HEPH: variants seen among roughly 807,000 people sequenced by gnomAD.
HEPH encodes hephaestin.
In HEPH, 69 loss-of-function variants were observed where a neutral mutation model predicts 80.8. That is an observed-to-expected ratio of 0.85 (90% CI 0.70 to 1.04). HEPH has a LOEUF of 1.04. Among genes scored for constraint, HEPH ranks in the 50% least tolerant of loss-of-function variants. The pLI, the probability that HEPH is intolerant of heterozygous loss-of-function variation, is 0.00. For synonymous variants in HEPH, 431 were observed against 322.8 expected (o/e 1.34, Z -3.60); for missense variants, 1,115 against 891.3 (o/e 1.25, Z -3.20).
intron 15 of HEPH, among the ~76,000 whole-genome samples, chrX:66,244,537 T>A (rs1178490752): frequency 8.9e-6 from 1 of 111,778 alleles, no homozygotes; most frequent in Non-Finnish European, 1.9e-5. Context: ...AATGCCTATT[T>A]TCTTTTATCT....
chrX:66,208,353 T>A, intron 15 of HEPH, 107 bp downstream of exon 15: 1 of 799,839 alleles, frequency 1.3e-6, no homozygotes, highest in Non-Finnish European at 1.8e-6. Flanking sequence ...GAGTGATAGC[T>A]CATTCCTGTA....
rs1373539723 is a variant in HEPH at position 66,197,759 on chromosome X, TC to T, written c.1581del (p.Thr528LeufsTer19). 8.3e-7 allele frequency: 1 copy of T among 1,211,550 alleles called. No homozygotes were observed. The highest frequency in any genetic ancestry group is 3.0e-5 in the East Asian group (1 of 33,825). On this transcript the variant is annotated frameshift_variant, in exon 10 of 21. Coordinates refer to ENST00000343002, the MANE Select transcript of HEPH (RefSeq NM_001367233.3). LOFTEE classifies it high-confidence loss of function. ...YRWTVPPHAGPTAQDPACLTW... is the reference protein window; with the variant it reads ...YRWTVPPHAGXTAQDPACLTW... ...GCTGGACAGTCCCCCCTCATGCCGG[TC>T]CCACTGCTCAGGATCCTGCTTGTCT... is the stretch of plus-strand genomic sequence containing the variant.
At chrX:66,205,827 A>T (rs1276487674) in intron 13 of HEPH, among the ~76,000 whole-genome samples, 4 of 110,768 alleles carry the variant, frequency 3.6e-5, no homozygotes, top group African/African-American at 1.3e-4. Context: ...TGGAAATTTT[A>T]AAAAGTGACT....
intron 4 of HEPH, among the ~76,000 whole-genome samples, chrX:66,186,573 G>GCA (rs967836272): frequency 1.9e-4 from 21 of 112,444 alleles, no homozygotes; most frequent in African/African-American, 6.8e-4. Flanking sequence ...CGCATGGTGC[G>GCA]CACACACACT....
intron 15 of HEPH, among the ~76,000 whole-genome samples, chrX:66,210,550 G>C (rs766931216): frequency 1.6e-4 from 18 of 111,013 alleles, no homozygotes; most frequent in Non-Finnish European, 2.6e-4. Context: ...GAAAAATGGT[G>C]GGGATTGGGA....
chrX:66,219,399 G>T (rs987131663), intron 15 of HEPH, among the ~76,000 whole-genome samples: 1 of 111,746 alleles, frequency 8.9e-6, no homozygotes, highest in Non-Finnish European at 1.9e-5. Context: ...AATTAGTAAG[G>T]TTAAATTTTC....
chrX:66,246,443 G>A (rs772033964), intron 15 of HEPH, among the ~76,000 whole-genome samples: 2 of 111,356 alleles, frequency 1.8e-5, no homozygotes, highest in Non-Finnish European at 3.8e-5. Flanking sequence ...CTCCTTCTAG[G>A]CACCATGACT....
chrX:66,179,791 G>A (rs903404699), intron 4 of HEPH, among the ~76,000 whole-genome samples: 18 of 111,543 alleles, frequency 1.6e-4, no homozygotes, highest in Middle Eastern at 9.1e-3. Flanking sequence ...GTTTAGGATT[G>A]TAATATTTTT....
chrX:66,201,237 G>A (rs761711817), intron 12 of HEPH, among the ~76,000 whole-genome samples: 2 of 110,421 alleles, frequency 1.8e-5, no homozygotes, highest in African/African-American at 6.6e-5. Context: ...GCCACCCCGT[G>A]TGTGTGTTTG....
At chrX:66,197,445 A>G (rs182910507) in intron 9 of HEPH, among the ~76,000 whole-genome samples, 1 of 111,243 alleles carries the variant, frequency 9.0e-6, no homozygotes, top group East Asian at 2.8e-4. Flanking sequence ...GATTTTGGAA[A>G]ACTGAAACAT....
At chrX:66,212,039 C>G (rs1212499800) in intron 15 of HEPH, among the ~76,000 whole-genome samples, 3 of 110,404 alleles carry the variant, frequency 2.7e-5, no homozygotes, top group Non-Finnish European at 5.7e-5. Context: ...GCCATTCTGA[C>G]TAGGGTAATA....
chrX:66,186,117 A>T (rs1269438827), intron 4 of HEPH, among the ~76,000 whole-genome samples: 1 of 62,312 alleles, frequency 1.6e-5, no homozygotes, highest in South Asian at 9.9e-4. Context: ...GCTGTCAGAC[A>T]GGGACACTTA....
chrX:66,259,157 C>A (rs1329193315), intron 18 of HEPH, among the ~76,000 whole-genome samples, 178 bp downstream of exon 18: 2 of 112,008 alleles, frequency 1.8e-5, no homozygotes, highest in African/African-American at 6.5e-5. Flanking sequence ...TCAATAACTT[C>A]CCGCTAGGCC....
chrX:66,173,899 G>A, intron 4 of HEPH, 98 bp downstream of exon 4: 1 of 539,443 alleles, frequency 1.9e-6, no homozygotes, highest in Non-Finnish European at 2.9e-6. Context: ...GCAGCCTGAG[G>A]AGTGCTAATT....
intron 4 of HEPH, among the ~76,000 whole-genome samples, chrX:66,175,924 T>C (rs892691925): frequency 7.2e-5 from 8 of 111,593 alleles, no homozygotes; most frequent in Non-Finnish European, 1.1e-4. Flanking sequence ...GAGGAGTCTT[T>C]AGGGTTTTCA....
chrX:66,201,201 A>G (rs189524589), intron 12 of HEPH, among the ~76,000 whole-genome samples: 3 of 110,304 alleles, frequency 2.7e-5, no homozygotes, highest in African/African-American at 9.9e-5. Context: ...CTTTCTACCC[A>G]TGATGCGCCC....
intron 15 of HEPH, among the ~76,000 whole-genome samples, chrX:66,241,289 A>C (rs2090566648): frequency 9.0e-6 from 1 of 111,574 alleles, no homozygotes; most frequent in Non-Finnish European, 1.9e-5. Flanking sequence ...TGGGCTAAAC[A>C]CCTCAATTAA....
chrX:66,199,148 G>A (rs1418046459), intron 11 of HEPH, 120 bp downstream of exon 11: 2 of 693,282 alleles, frequency 2.9e-6, no homozygotes, highest in South Asian at 2.7e-5. Flanking sequence ...TCCAAGAGGC[G>A]AGCTAGATTG....
Position 66,193,598 on chromosome X carries a change from G to T in HEPH, c.1329G>T (p.Glu443Asp). ...YEAFQDETFQ[E>D]KMHLEEDRHL... ...CCTTTCAAGATGAGACATTCCAAGA[G>T]AAGATGCATTTGGAGGAAGATAGGC... Residue 443 changes from glutamate (E) to aspartate (D), a missense_variant, in exon 8 of 21, where the codon GAG becomes GAT. Glu to Asp is a conservative substitution (Grantham distance 45). This residue lies in a region of HEPH where 391 missense variants were observed against 343.6 expected (regional missense o/e 1.14). Transcript: ENST00000343002. The T allele has an allele frequency of 1.7e-6, 2 of 1,195,404 alleles. No homozygotes were observed. Among genetic ancestry groups the T allele is most frequent in the Non-Finnish European group, 2.3e-6 (2 of 885,052 alleles).
Sources: gnomAD v4.1 joint callset for allele counts (sites outside exome capture counted in the v4.1 genomes callset) on GRCh38, gnomAD v4.1.1 for gene constraint, gnomAD v4.1.1 regional missense constraint, MANE v1.5 for transcripts, NCBI Gene and HGNC (gene_info 2026-07-23, HGNC 2026-07-21) for gene names.